The following DCC variants were observed in gnomAD, a reference collection of about 807,000 sequenced individuals.
DCC encodes the protein DCC netrin 1 receptor.
A neutral mutation model predicts 172.5 loss-of-function variants in DCC; 58 were observed. The ratio of observed to expected loss-of-function variants is 0.34; its 90% CI spans 0.27 to 0.42. The LOEUF (loss-of-function observed/expected upper bound fraction) is 0.42, where lower values mean the gene tolerates loss of function less well. Among genes scored for constraint, DCC ranks in the 10% least tolerant of loss-of-function variants. DCC has a pLI of 1.00. For missense variants in DCC, 1,740 were observed against 1,791.0 expected (o/e 0.97, Z 0.51); for synonymous variants, 709 against 644.5 (o/e 1.10, Z -1.52).
chr18:52,610,161 AAAAAAAAAAAAAAAAAAATATATAT>A (rs1209720678), intron 1 of DCC, among the ~76,000 whole-genome samples: 11 of 15,280 alleles, frequency 7.2e-4, no homozygotes, highest in African/African-American at 2.9e-3. Context: ...TAAAAAAAAA[AAAAAAAAAAAAAAAAAAATATATAT>A]ATATATATAT....
chr18:53,366,945 A>T, intron 15 of DCC, among the ~76,000 whole-genome samples: 1 of 152,192 alleles, frequency 6.6e-6, no homozygotes, highest in East Asian at 1.9e-4. Context: ...ACAGTGTCAC[A>T]TGACCAACAC....
chr18:52,492,232 A>G (rs1375672880), intron 1 of DCC, among the ~76,000 whole-genome samples: 1 of 151,970 alleles, frequency 6.6e-6, no homozygotes, highest in Non-Finnish European at 1.5e-5. Context: ...ACTGGTGAAC[A>G]TTTGAGAGAA....
chr18:53,204,849 G>T (rs1298395526), intron 9 of DCC, among the ~76,000 whole-genome samples: 1 of 152,078 alleles, frequency 6.6e-6, no homozygotes, highest in Non-Finnish European at 1.5e-5. Context: ...TTTTCCTTCT[G>T]CAGTTATTAG....
In DCC at chr18:53,172,109, G is replaced by A. The variant is rs141904210; in HGVS notation, c.1419-6853G>A. Among the ~76,000 whole-genome samples the A allele has an allele frequency of 5.9e-3, 894 of 152,090 alleles. 4 individuals are homozygous for A. The highest frequency in any genetic ancestry group is 0.014 in the Middle Eastern group (4 of 294). ...ATATATTCTGGATAAAGAAAATATG[G>A]TGCATATACACCATGGAATACTATG... On this transcript the variant is annotated intron_variant, in intron 8 of 28. Coordinates refer to ENST00000442544, the MANE Select transcript of DCC (RefSeq NM_005215.4).
intron 5 of DCC, among the ~76,000 whole-genome samples, chr18:53,055,449 C>T (rs1331670492): frequency 2.6e-5 from 4 of 152,108 alleles, no homozygotes; most frequent in Non-Finnish European, 5.9e-5. Flanking sequence ...GAGATTGAAA[C>T]ATCTTTTGGA....
rs918450243 is a variant in DCC at position 53,459,543 on chromosome 18, C to A, written c.3619+85C>A. 36 of 869,802 alleles carry A rather than the reference C, an allele frequency of 4.1e-5. No individual in the cohort carries two copies. In the Admixed American group the frequency reaches 6.5e-4, roughly 16 times the overall value. The allele number at this position is 869,802 out of a possible 1,614,324, so 53.9% of individuals were successfully genotyped here. A position where few individuals can be genotyped will look rare whatever the true frequency, so the allele number is the denominator to read the frequency against. Reference sequence around the variant, plus strand: ...TCACTCCTTTTATGGAAATGTCTTCCCTACTAATTTGCATGTCATTATGGG... The same window carrying A: ...TCACTCCTTTTATGGAAATGTCTTCACTACTAATTTGCATGTCATTATGGG... On this transcript the variant is annotated intron_variant, in intron 24 of 28. Transcript: ENST00000442544.
chr18:53,448,010 A>G (rs985244167), intron 22 of DCC, among the ~76,000 whole-genome samples: 7 of 150,282 alleles, frequency 4.7e-5, no homozygotes, highest in African/African-American at 1.7e-4. Context: ...GTTTCCAATA[A>G]TAATGAATGA....
chr18:53,214,180 A>G (rs1285300689), intron 11 of DCC, among the ~76,000 whole-genome samples: 1 of 152,136 alleles, frequency 6.6e-6, no homozygotes, highest in Middle Eastern at 3.2e-3. Context: ...ATACTTGCTG[A>G]GTTAATTCAT....
At chr18:52,491,165 C>T (rs1233849393) in intron 1 of DCC, among the ~76,000 whole-genome samples, 1 of 151,964 alleles carries the variant, frequency 6.6e-6, no homozygotes, top group East Asian at 1.9e-4. Context: ...CTTTATCTTA[C>T]CCCATTTATT....
At chr18:52,378,433 A>C (rs1055692819) in intron 1 of DCC, among the ~76,000 whole-genome samples, 1 of 152,128 alleles carries the variant, frequency 6.6e-6, no homozygotes, top group African/African-American at 2.4e-5. Context: ...ACATGCAGGA[A>C]CTACAAGGAA....
At chr18:52,833,568 T>G (rs2038653683) in intron 2 of DCC, among the ~76,000 whole-genome samples, 1 of 152,144 alleles carries the variant, frequency 6.6e-6, no homozygotes, top group South Asian at 2.1e-4. Flanking sequence ...AAATCTAAAG[T>G]AGAAACTGCT....
In DCC at chr18:52,695,881, G is replaced by C. The variant is rs577269242; in HGVS notation, c.92-56173G>C. ...TGTGGCCATGAGAAAGGAGGAATCT[G>C]TTGCAAGGCACCACTGGGACCCAGG... On this transcript the variant is annotated intron_variant, in intron 1 of 28. Coordinates refer to ENST00000442544, the MANE Select transcript of DCC (RefSeq NM_005215.4). Among the ~76,000 whole-genome samples the C allele has an allele frequency of 6.9e-4, 105 of 152,278 alleles. No individual in the cohort carries two copies. The South Asian group carries it at 0.021, about 31-fold the overall frequency.
rs2144215271 is a variant in DCC, at chr18:52,340,671, G to A, written c.-117G>A. The A allele has an allele frequency of 2.5e-6, 2 of 801,062 alleles. No homozygotes were observed. The highest frequency in any genetic ancestry group is 2.7e-5 in the South Asian group (2 of 74,580). The allele number at this position is 801,062 out of a possible 1,614,324, so 49.6% of individuals were successfully genotyped here. A position where few individuals can be genotyped will look rare whatever the true frequency, so the allele number is the denominator to read the frequency against. On this transcript the variant is annotated 5_prime_UTR_variant, in exon 1 of 29. Transcript: ENST00000442544. Reference sequence around the variant, plus strand: ...AGGTGGAGGAAGAGGACGAGGAGGAGGAGGAAGCCGAAGGGGCTCGGCGCG... The same window carrying A: ...AGGTGGAGGAAGAGGACGAGGAGGAAGAGGAAGCCGAAGGGGCTCGGCGCG...
chr18:52,545,800 C>T (rs1055350257), intron 1 of DCC, among the ~76,000 whole-genome samples: 4 of 152,136 alleles, frequency 2.6e-5, no homozygotes, highest in African/African-American at 9.7e-5. Context: ...CATGTGCCTT[C>T]TATAAGGGAG....
intron 2 of DCC, among the ~76,000 whole-genome samples, chr18:52,882,305 T>C (rs559615675): frequency 6.6e-6 from 1 of 152,196 alleles, no homozygotes; most frequent in South Asian, 2.1e-4. Context: ...TTTACAAATA[T>C]AAGATCATTT....
At chr18:53,071,069 G>T (rs2042645231) in intron 7 of DCC, among the ~76,000 whole-genome samples, 2 of 152,148 alleles carry the variant, frequency 1.3e-5, no homozygotes, top group Non-Finnish European at 2.9e-5. Context: ...TGTCCACAGG[G>T]GCTTGTGGCT....
At chr18:52,704,655 C>A (rs528814063) in intron 1 of DCC, among the ~76,000 whole-genome samples, 2 of 152,190 alleles carry the variant, frequency 1.3e-5, no homozygotes, top group African/African-American at 4.8e-5. Context: ...CAACCACCAG[C>A]TATCAGCCAT....
intron 15 of DCC, among the ~76,000 whole-genome samples, chr18:53,376,120 G>A (rs143010479): frequency 1.2e-4 from 19 of 152,220 alleles, no homozygotes; most frequent in African/African-American, 2.9e-4. Flanking sequence ...AGCCAGACGC[G>A]GTGACGTGTG....
Position 52,909,702 on chromosome 18 carries a change from TTACGTAAA to T in DCC, c.697+3378_697+3385del, listed in dbSNP as rs551964890. On this transcript the variant is annotated intron_variant, in intron 3 of 28. Transcript: ENST00000442544. ...TCAGCGACCAGTTTCACTTTATTCA[TTACGTAAA>T]TACTTTATTCAATTAACTTTTGAAT... 2.0e-3 allele frequency among the ~76,000 whole-genome samples: 311 copies of T among 152,278 alleles called. 1 individual carries two copies. The highest frequency in any genetic ancestry group is 7.1e-3 in the African/African-American group (295 of 41,564).
Sources: allele counts gnomAD v4.1 joint callset (sites outside exome capture counted in the v4.1 genomes callset), GRCh38; gene constraint gnomAD v4.1.1; transcripts MANE v1.5; gene names NCBI Gene and HGNC (gene_info 2026-07-23, HGNC 2026-07-21).